TICRR: variants seen among roughly 807,000 people sequenced by gnomAD.
TICRR encodes the protein treslin.
A neutral mutation model predicts 178.1 loss-of-function variants in TICRR; 132 were observed. The observed-to-expected ratio is 0.74, with a 90% CI of 0.64 to 0.86. TICRR has a LOEUF of 0.86. Among genes scored for constraint, TICRR ranks in the 40% least tolerant of loss-of-function variants. The pLI is 0.00. For synonymous variants in TICRR, 991 were observed against 900.7 expected (o/e 1.10, Z -1.79); for missense variants, 2,587 against 2,334.3 (o/e 1.11, Z -2.23).
In TICRR at chr15:89,608,040, C is replaced by A. The variant is rs564219416; in HGVS notation, c.2723-763C>A. On this transcript the variant is annotated intron_variant, in intron 14 of 21. Transcript: ENST00000268138. ...GCTGAATACACAGCAGCAAAAATGT[C>A]CAAAGTGAGAAAAATAATCATAACA... Among the ~76,000 whole-genome samples, 338 of 152,148 alleles carry A rather than the reference C, an allele frequency of 2.2e-3. 1 individual carries two copies. The highest frequency in any genetic ancestry group is 8.0e-3 in the African/African-American group (330 of 41,498).
At chr15:89,588,663 AG>A (rs910551187) in intron 4 of TICRR, among the ~76,000 whole-genome samples, 2 of 152,058 alleles carry the variant, frequency 1.3e-5, no homozygotes, top group African/African-American at 4.8e-5. Flanking sequence ...TGACTGAAGG[AG>A]GGCAACACGC....
chr15:89,609,458 T>C (rs1227414599), intron 15 of TICRR, among the ~76,000 whole-genome samples: 1 of 151,898 alleles, frequency 6.6e-6, no homozygotes, highest in Non-Finnish European at 1.5e-5. Flanking sequence ...TTTATTGTTT[T>C]TTCTCTATTG....
Position 89,624,778 on chromosome 15 carries a change from G to A in TICRR, c.4468G>A (p.Gly1490Arg), listed in dbSNP as rs767557782. 7 of 1,614,166 alleles carry A rather than the reference G, an allele frequency of 4.3e-6. No individual in the cohort carries two copies. Among genetic ancestry groups the A allele is most frequent in the East Asian group, 4.5e-5 (2 of 44,876 alleles). Residue 1490 changes from glycine (G) to arginine (R), a missense_variant, in exon 20 of 22, where the codon GGG becomes AGG. Transcript: ENST00000268138. Reference sequence around the variant, plus strand: ...CGTCTTATCAGTGGAAGAGGGTGAGGGGCTAAGGACAGCAGATGCTGAGAA... The same window carrying A: ...CGTCTTATCAGTGGAAGAGGGTGAGAGGCTAAGGACAGCAGATGCTGAGAA... ...SNVLSVEEGE[G>R]LRTADAEKSS...
intron 17 of TICRR, 113 bp downstream of exon 17, chr15:89,618,323 C>G: frequency 2.1e-6 from 2 of 937,368 alleles, no homozygotes; most frequent in South Asian, 2.7e-5. Flanking sequence ...ATTGTGATGG[C>G]TCTGAGTCCA....
In TICRR at chr15:89,625,323, CA is replaced by C. The variant is rs1347412860; in HGVS notation, c.5015del (p.Lys1672SerfsTer10). The part of the protein sequence containing the change: ...TDGVPWTPSP[K>X]HSGKTTPDII... ...ATGGGGTTCCTTGGACACCATCCCC[CA>C]AGCACAGTGGGAAGACAACTCCAGA... On this transcript the variant is annotated frameshift_variant, in exon 20 of 22. Coordinates refer to ENST00000268138, the MANE Select transcript of TICRR (RefSeq NM_152259.4). LOFTEE classifies it high-confidence loss of function. 1.2e-6 allele frequency: 2 copies of C among 1,614,094 alleles called. No individual in the cohort carries two copies.
chr15:89,601,356 G>T lies in TICRR; in HGVS notation c.2212G>T (p.Glu738Ter). ...EMCLQCPSIN[E>*]STDDMEQVVE... ...GTGTCTGCAATGCCCTTCAATAAAT[G>T]AAAGTACAGATGATATGGAACAAGT... Residue 738 changes from glutamate (E) to a stop codon, truncating the protein, a stop_gained, in exon 10 of 22, where the codon GAA becomes TAA. Transcript: ENST00000268138. LOFTEE classifies it high-confidence loss of function. 6.2e-7 allele frequency: 1 copy of T among 1,614,130 alleles called. No homozygotes were observed. The highest frequency in any genetic ancestry group is 8.5e-7 in the Non-Finnish European group (1 of 1,180,014).
At chr15:89,616,542 C>G (rs1394226609) in intron 16 of TICRR, 47 bp downstream of exon 16, 2 of 1,518,982 alleles carry the variant, frequency 1.3e-6, no homozygotes, top group Admixed American at 1.7e-5. Context: ...CACACCACCT[C>G]AAAGCGGCCT....
rs1215048026 is a variant in TICRR, at chr15:89,595,515, G to A, written c.1804G>A (p.Val602Met). ...GTTACATCCAGATGGCAGTCCGGAT[G>A]TGGCTGGGGAGAAAGGAATCCAAAA... ...QKLHPDGSPD[V>M]AGEKGIQKIP... The change falls in exon 7 of 22, where the codon GTG (valine) becomes ATG (methionine). Residue 602 changes from valine (V) to methionine (M), a missense_variant. Transcript: ENST00000268138. 1 of 1,614,208 alleles carries A rather than the reference G, an allele frequency of 6.2e-7. No individual in the cohort carries two copies. Among genetic ancestry groups the A allele is most frequent in the African/African-American group, 1.3e-5 (1 of 75,054 alleles).
intron 16 of TICRR, 26 bp downstream of exon 16, chr15:89,616,521 C>T: frequency 6.3e-7 from 1 of 1,595,768 alleles, no homozygotes; most frequent in Non-Finnish European, 8.6e-7. Context: ...ATCCGGGCTT[C>T]TTCATACACC....
chr15:89,603,179 ATAAC>A (rs1479900944), intron 13 of TICRR, among the ~76,000 whole-genome samples: 1 of 152,192 alleles, frequency 6.6e-6, no homozygotes, highest in African/African-American at 2.4e-5. Flanking sequence ...TCATAAAACA[ATAAC>A]TAAAATAAGC....
chr15:89,582,408 T>G lies in TICRR; in HGVS notation c.655-278T>G, dbSNP rs1962743921. On this transcript the variant is annotated intron_variant, in intron 1 of 21. Coordinates refer to ENST00000268138, the MANE Select transcript of TICRR (RefSeq NM_152259.4). ...CATTTTATGATCTATACCCAGTGATTTGTGTCACTTCTTTCTGTTCCTTGA... is the reference window on the plus strand; with the variant it reads ...CATTTTATGATCTATACCCAGTGATGTGTGTCACTTCTTTCTGTTCCTTGA... 9 of 370,330 alleles carry G rather than the reference T, an allele frequency of 2.4e-5. No individual in the cohort carries two copies. The South Asian group carries it at 3.5e-4, about 14-fold the overall frequency. The allele number at this position is 370,330 out of a possible 1,614,324, so 22.9% of individuals were successfully genotyped here. A position where few individuals can be genotyped will look rare whatever the true frequency, so the allele number is the denominator to read the frequency against.
intron 1 of TICRR, among the ~76,000 whole-genome samples, 177 bp from the exon 2 acceptor site, chr15:89,582,508 TG>T (rs1962745340): frequency 6.6e-6 from 1 of 152,322 alleles, no homozygotes; most frequent in Middle Eastern, 3.4e-3. Flanking sequence ...TAATTTGTTC[TG>T]GGGCTGCACA....
intron 19 of TICRR, among the ~76,000 whole-genome samples, chr15:89,622,717 G>A (rs918739929): frequency 4.6e-5 from 7 of 152,274 alleles, no homozygotes; most frequent in African/African-American, 1.7e-4. Flanking sequence ...CACCTCCCCA[G>A]CAACATCAGG....
intron 5 of TICRR, among the ~76,000 whole-genome samples, chr15:89,594,034 A>G (rs1962955983): frequency 1.3e-5 from 2 of 152,232 alleles, no homozygotes; most frequent in East Asian, 3.8e-4. Flanking sequence ...AGTCATTGCA[A>G]TACTTACTAC....
At chr15:89,601,239 G>A in intron 9 of TICRR, 59 bp from the exon 10 acceptor site, 2 of 1,462,932 alleles carry the variant, frequency 1.4e-6, no homozygotes, top group South Asian at 1.2e-5. Flanking sequence ...GCTTACGGAA[G>A]GAGCTTTTTG....
At chr15:89,577,858 A>G (rs1381801501) in intron 1 of TICRR, among the ~76,000 whole-genome samples, 1 of 151,418 alleles carries the variant, frequency 6.6e-6, no homozygotes, top group Non-Finnish European at 1.5e-5. Flanking sequence ...CAGTCCGCCA[A>G]CCTCAGCCTC....
chr15:89,621,592 G>C lies in TICRR; in HGVS notation c.3312+42G>C, dbSNP rs376278448. 6.5e-6 allele frequency: 10 copies of C among 1,536,276 alleles called. No homozygotes were observed. The African/African-American group carries it at 1.4e-4, about 21-fold the overall frequency. On this transcript the variant is annotated intron_variant, in intron 19 of 21. Coordinates refer to ENST00000268138, the MANE Select transcript of TICRR (RefSeq NM_152259.4). The stretch of plus-strand genomic sequence containing the variant: ...ATGTTTGAAATAATATAATCTCCTG[G>C]AACACAGAGACATGGCCAAGGAACT...
chr15:89,627,436 G>A lies in TICRR; in HGVS notation c.*350G>A, dbSNP rs911097728. ...CTCATTTATGCAAATGGAGAAAGGC[G>A]CCCTCCCTGGGGTCCCTTGAGCTGC... On this transcript the variant is annotated 3_prime_UTR_variant, in exon 22 of 22. Transcript: ENST00000268138. 9.7e-5 allele frequency: 25 copies of A among 256,778 alleles called. 1 individual carries two copies. Among genetic ancestry groups the A allele is most frequent in the South Asian group, 7.7e-4 (9 of 11,704 alleles). The allele number at this position is 256,778 out of a possible 1,614,324, so 15.9% of individuals were successfully genotyped here. A position where few individuals can be genotyped will look rare whatever the true frequency, so the allele number is the denominator to read the frequency against.
rs926395148 is a variant in TICRR, at chr15:89,623,690, C to T, written c.3380C>T (p.Thr1127Ile). 5 of 1,614,062 alleles carry T rather than the reference C, an allele frequency of 3.1e-6. No individual in the cohort carries two copies. Among genetic ancestry groups the T allele is most frequent in the Admixed American group, 1.7e-5 (1 of 60,012 alleles). Residue 1127 changes from threonine to isoleucine, a missense_variant, in exon 20 of 22, where the codon ACA becomes ATA. Physicochemically the swap from Thr to Ile is moderately conservative, Grantham distance 89. Transcript: ENST00000268138. ...SKTTPRRISHTPQTPLYTPER... is the reference protein window; with the variant it reads ...SKTTPRRISHIPQTPLYTPER... ...ACTACACCAAGAAGGATCTCTCATA[C>T]ACCACAAACTCCGTTGTATACTCCA...
Sources: gnomAD v4.1 joint callset for allele counts (sites outside exome capture counted in the v4.1 genomes callset) on GRCh38, gnomAD v4.1.1 for gene constraint, MANE v1.5 for transcripts, NCBI Gene and HGNC (gene_info 2026-07-23, HGNC 2026-07-21) for gene names.